NAV3: variants seen among roughly 807,000 people sequenced by gnomAD.
NAV3 encodes pore membrane and/or filament interacting like protein 1.
Under a neutral mutation model 244.7 loss-of-function variants are expected in NAV3, and 87 were observed. The observed-to-expected ratio is 0.36, with a 90% CI of 0.30 to 0.42. NAV3 has a LOEUF of 0.42. NAV3 is among the 20% of genes least tolerant of loss of function. The pLI, the probability that NAV3 is intolerant of heterozygous loss-of-function variation, is 1.00. For missense variants in NAV3, 2,663 were observed against 2,893.3 expected, an observed-to-expected ratio of 0.92 and a Z score of 1.83; for synonymous variants, 1,126 against 1,042.2, an observed-to-expected ratio of 1.08 and a Z score of -1.55.
In NAV3 at chr12:77,599,911, A is replaced by G. The variant is rs74344001; in HGVS notation, c.72+27645A>G. 6.9e-4 allele frequency among the ~76,000 whole-genome samples: 105 copies of G among 152,110 alleles called. 1 individual carries two copies. In the East Asian group the frequency reaches 0.017, roughly 25 times the overall value. On this transcript the variant is annotated intron_variant, in intron 2 of 8. Coordinates refer to the NAV3 transcript ENST00000550042. Reference sequence around the variant, plus strand: ...CAGGAAGGCCTGTTAATGATTACCCAGTTTTTAGTCCAATCCTCTCACACT... The same window carrying G: ...CAGGAAGGCCTGTTAATGATTACCCGGTTTTTAGTCCAATCCTCTCACACT...
intron 2 of NAV3, among the ~76,000 whole-genome samples, chr12:77,601,220 G>C (rs1413300373): frequency 6.6e-6 from 1 of 151,862 alleles, no homozygotes; most frequent in Non-Finnish European, 1.5e-5. Flanking sequence ...CTTAGACAGG[G>C]GAAGTGACAT....
intron 22 of NAV3, among the ~76,000 whole-genome samples, chr12:78,156,981 G>A (rs1957330411): frequency 6.6e-6 from 1 of 152,078 alleles, no homozygotes; most frequent in African/African-American, 2.4e-5. Context: ...TTTAAAACAG[G>A]CATATCTAAA....
intron 2 of NAV3, among the ~76,000 whole-genome samples, chr12:77,717,412 T>A (rs891143523): frequency 2.6e-5 from 4 of 152,158 alleles, no homozygotes; most frequent in Non-Finnish European, 1.5e-5. Context: ...CTTATCATGA[T>A]GTCCTCAAGT....
chr12:78,021,736 G>A lies in NAV3; in HGVS notation c.1908-11G>A. 3 of 1,588,478 alleles carry A rather than the reference G, an allele frequency of 1.9e-6. No homozygotes were observed. Among genetic ancestry groups the A allele is most frequent in the South Asian group, 1.1e-5 (1 of 90,084 alleles). Reference sequence around the variant, plus strand: ...ACTGCTATTTCTTTCTATTTTCATGGTTAATTTCAGGGCACATTCAGAAAA... The same window carrying A: ...ACTGCTATTTCTTTCTATTTTCATGATTAATTTCAGGGCACATTCAGAAAA... On this transcript the variant is annotated splice_polypyrimidine_tract_variant and intron_variant, in intron 8 of 39. Transcript: ENST00000397909.
At chr12:77,789,816 G>GAAAA (rs57070028) in intron 2 of NAV3, among the ~76,000 whole-genome samples, 15 of 75,666 alleles carry the variant, frequency 2.0e-4, no homozygotes, top group East Asian at 4.2e-4. Context: ...GTCTCGAAAA[G>GAAAA]AAAAAAAAAA....
intron 8 of NAV3, among the ~76,000 whole-genome samples, chr12:78,009,445 CAAAAAAAAAAAA>C (rs35722033): frequency 4.3e-5 from 3 of 69,896 alleles, no homozygotes; most frequent in African/African-American, 1.0e-4. Context: ...GAGGGAAACT[CAAAAAAAAAAAA>C]AAAAAAAAAA....
intron 2 of NAV3, among the ~76,000 whole-genome samples, chr12:77,667,672 T>G (rs1873778810): frequency 1.3e-5 from 2 of 152,030 alleles, no homozygotes. Context: ...CTCTACCCAC[T>G]CTGGTAGCTG....
rs140102415 is a variant in NAV3 at position 78,144,844 on chromosome 12, C to T, written c.4684-1525C>T. Reference sequence around the variant, plus strand: ...CTGGCAAAAAATGTAAAAAGTAGGCCGGGCACGGTGGGCTACAGTGAGTTG... The same window carrying T: ...CTGGCAAAAAATGTAAAAAGTAGGCTGGGCACGGTGGGCTACAGTGAGTTG... On this transcript the variant is annotated intron_variant, in intron 20 of 39. Coordinates refer to ENST00000397909, the MANE Select transcript of NAV3 (RefSeq NM_001024383.2). Among the ~76,000 whole-genome samples the T allele has an allele frequency of 1.3e-3, 177 of 132,842 alleles. 2 individuals carry two copies. The highest frequency in any genetic ancestry group is 4.5e-3 in the African/African-American group (160 of 35,518). 87.1% of individuals were successfully genotyped at this position (132,842 alleles called of 152,430 possible).
intron 17 of NAV3, among the ~76,000 whole-genome samples, chr12:78,127,501 A>AC (rs1955967121): frequency 1.3e-5 from 2 of 152,168 alleles, no homozygotes; most frequent in African/African-American, 4.8e-5. Context: ...AAACAAACAA[A>AC]AAACTTGTCC....
intron 2 of NAV3, among the ~76,000 whole-genome samples, chr12:77,795,689 G>A (rs911063305): frequency 2.6e-5 from 4 of 152,084 alleles, no homozygotes; most frequent in African/African-American, 4.8e-5. Flanking sequence ...TCTTCAAAGG[G>A]TAGGCTGACT....
intron 2 of NAV3, among the ~76,000 whole-genome samples, chr12:77,742,513 A>T (rs1392477878): frequency 1.4e-5 from 2 of 146,956 alleles, no homozygotes; most frequent in East Asian, 3.8e-4. Context: ...ATATCAAAAA[A>T]AATAAGAAAG....
intron 1 of NAV3, among the ~76,000 whole-genome samples, chr12:77,935,986 A>G (rs558660680): frequency 2.0e-5 from 3 of 152,192 alleles, no homozygotes; most frequent in African/African-American, 4.8e-5. Context: ...GGGAATTACA[A>G]TTCAACATGA....
intron 9 of NAV3, among the ~76,000 whole-genome samples, chr12:78,043,267 A>G (rs186564759): frequency 2.0e-5 from 3 of 152,162 alleles, no homozygotes; most frequent in Admixed American, 1.3e-4. Flanking sequence ...GAACTCATCC[A>G]TTTTTATGGT....
At chr12:77,959,692 T>G (rs570275289) in intron 3 of NAV3, among the ~76,000 whole-genome samples, 1 of 151,954 alleles carries the variant, frequency 6.6e-6, no homozygotes, top group South Asian at 2.1e-4. Flanking sequence ...ATCATTTATT[T>G]CTATTAATCC....
chr12:78,162,651 A>G (rs1051255300), intron 23 of NAV3, among the ~76,000 whole-genome samples: 2 of 150,950 alleles, frequency 1.3e-5, no homozygotes, highest in South Asian at 2.1e-4. Context: ...ACTCCCTGAG[A>G]TCAGGAGTTC....
intron 8 of NAV3, among the ~76,000 whole-genome samples, chr12:78,019,717 T>A (rs1400427984): frequency 7.2e-5 from 11 of 151,864 alleles, no homozygotes; most frequent in Non-Finnish European, 1.6e-4. Flanking sequence ...GTGGCCACAG[T>A]AGAGAGAGGA....
intron 38 of NAV3, among the ~76,000 whole-genome samples, chr12:78,201,057 T>C (rs1268579209): frequency 7.7e-6 from 1 of 130,418 alleles, no homozygotes; most frequent in Non-Finnish European, 1.6e-5. Flanking sequence ...CTTTCTTTCT[T>C]TGTTTCTTCT....
chr12:77,719,113 T>G (rs1432746673), intron 2 of NAV3, among the ~76,000 whole-genome samples: 2 of 152,328 alleles, frequency 1.3e-5, no homozygotes, highest in Middle Eastern at 3.4e-3. Flanking sequence ...GTTTCCATTT[T>G]GGATTGCTCA....
At chr12:77,656,632 C>A (rs1490968399) in intron 2 of NAV3, among the ~76,000 whole-genome samples, 1 of 136,132 alleles carries the variant, frequency 7.3e-6, no homozygotes, top group Non-Finnish European at 1.5e-5. Context: ...CAGAACTCTC[C>A]ACCCCAAATC....
Sources: gnomAD v4.1 joint callset for allele counts (sites outside exome capture counted in the v4.1 genomes callset) on GRCh38, gnomAD v4.1.1 for gene constraint, MANE v1.5 for transcripts, NCBI Gene and HGNC (gene_info 2026-07-23, HGNC 2026-07-21) for gene names.